Variants in DYNLL1 observed in about 807,000 individuals in gnomAD.
The protein encoded by DYNLL1 is dynein light chain 1, cytoplasmic.
Under a neutral mutation model 10.1 loss-of-function variants are expected in DYNLL1, and 3 were observed. The ratio of observed to expected loss-of-function variants is 0.30; its 90% CI spans 0.14 to 0.77. The LOEUF is 0.77. Ranked by LOEUF, DYNLL1 falls within the 30% of genes least tolerant of loss-of-function variation. DYNLL1 has a pLI of 0.66. For missense variants in DYNLL1, 47 were observed against 111.7 expected (o/e 0.42, Z 2.61); for synonymous variants, 46 against 41.2 (o/e 1.12, Z -0.45).
chr12:120,496,091 G>A (rs1868373614), upstream of DYNLL1: 1 of 416,514 alleles, frequency 2.4e-6, no homozygotes. Flanking sequence ...ACTAGGCGGC[G>A]GCGGCTGGCG....
intron 1 of DYNLL1, among the ~76,000 whole-genome samples, chr12:120,489,602 G>A (rs899963377): frequency 6.6e-6 from 1 of 152,144 alleles, no homozygotes; most frequent in African/African-American, 2.4e-5. Flanking sequence ...CTCTCTCGCT[G>A]CTCCCATCAG....
chr12:120,493,003 A>T (rs1053456463), upstream of DYNLL1, among the ~76,000 whole-genome samples: 3 of 152,102 alleles, frequency 2.0e-5, no homozygotes, highest in East Asian at 5.8e-4. Context: ...ATTTTTGTGC[A>T]TAATTCCAGA....
chr12:120,484,215 A>G (rs902703094), intron 1 of DYNLL1, among the ~76,000 whole-genome samples: 1 of 152,030 alleles, frequency 6.6e-6, no homozygotes, highest in African/African-American at 2.4e-5. Flanking sequence ...CTGATGATGC[A>G]GGAGAGGGAG....
At chr12:120,478,649 C>T (rs1878808982) in intron 1 of DYNLL1, among the ~76,000 whole-genome samples, 2 of 147,498 alleles carry the variant, frequency 1.4e-5, no homozygotes, top group African/African-American at 5.0e-5. Context: ...GTCAGGAGTT[C>T]GAGACCAGCC....
At chr12:120,497,952 T>A (rs1376620562) in intron 2 of DYNLL1, 121 bp from the exon 3 acceptor site, 3 of 963,014 alleles carry the variant, frequency 3.1e-6, no homozygotes, top group Non-Finnish European at 4.5e-6. Context: ...ATTCTTTCAT[T>A]CTAAGAATTT....
intron 1 of DYNLL1, among the ~76,000 whole-genome samples, chr12:120,473,100 G>A (rs944204623): frequency 1.3e-4 from 20 of 152,108 alleles, no homozygotes; most frequent in African/African-American, 9.7e-5. Flanking sequence ...GTTGCTATTC[G>A]GTCATGTAGA....
At chr12:120,477,605 A>T (rs937699194) in intron 1 of DYNLL1, among the ~76,000 whole-genome samples, 16 of 151,694 alleles carry the variant, frequency 1.1e-4, no homozygotes, top group Non-Finnish European at 1.6e-4. Flanking sequence ...TAAATAAATA[A>T]AAATAAATAA....
At chr12:120,483,805 A>G (rs1351182152) in intron 1 of DYNLL1, among the ~76,000 whole-genome samples, 2 of 152,098 alleles carry the variant, frequency 1.3e-5, no homozygotes, top group Non-Finnish European at 2.9e-5. Context: ...CTTCCTTCAG[A>G]TGTCATGGAG....
At chr12:120,484,983 A>C (rs1239214476) in intron 1 of DYNLL1, among the ~76,000 whole-genome samples, 1 of 152,164 alleles carries the variant, frequency 6.6e-6, no homozygotes, top group Non-Finnish European at 1.5e-5. Flanking sequence ...CAAGTGATCC[A>C]ACCACCTGGG....
intron 1 of DYNLL1, among the ~76,000 whole-genome samples, chr12:120,478,067 C>G (rs917579382): frequency 4.6e-5 from 7 of 150,984 alleles, no homozygotes; most frequent in Admixed American, 1.3e-4. Flanking sequence ...GCTGGGATTA[C>G]AGGCTTGAGC....
At chr12:120,496,020 T>A (rs913000526), upstream of DYNLL1, 6 of 312,304 alleles carry the variant, frequency 1.9e-5, no homozygotes, top group Admixed American at 9.5e-5. Flanking sequence ...GTGGGCTGCG[T>A]CAAGCCAATA....
chr12:120,491,861 C>T (rs1326454507), upstream of DYNLL1: 1 of 152,266 alleles, frequency 6.6e-6, no homozygotes, highest in Non-Finnish European at 1.5e-5. Flanking sequence ...GTACTCTGAA[C>T]TATCCATCCT....
intron 1 of DYNLL1, among the ~76,000 whole-genome samples, chr12:120,479,111 T>C (rs1426637639): frequency 7.0e-5 from 9 of 128,880 alleles, no homozygotes; most frequent in East Asian, 2.5e-4. Context: ...TTGCAGCGAG[T>C]CGAGAACACA....
chr12:120,479,693 A>G (rs1264986345), intron 1 of DYNLL1, among the ~76,000 whole-genome samples: 1 of 152,082 alleles, frequency 6.6e-6, no homozygotes, highest in African/African-American at 2.4e-5. Flanking sequence ...CCAGACAGAA[A>G]GAAAGCACTG....
At chr12:120,496,630 G>T (rs1392295079) in intron 2 of DYNLL1, 77 bp downstream of exon 2, 6 of 1,612,044 alleles carry the variant, frequency 3.7e-6, no homozygotes, top group Admixed American at 1.7e-5. Flanking sequence ...TCCTAAGGGC[G>T]CCTGACAGGT....
At chr12:120,476,808 C>A (rs1592997573) in intron 1 of DYNLL1, among the ~76,000 whole-genome samples, 1 of 151,974 alleles carries the variant, frequency 6.6e-6, no homozygotes, top group African/African-American at 2.4e-5. Flanking sequence ...GATGGGATTT[C>A]TCCATGTTGG....
chr12:120,485,127 T>G (rs1878963817), intron 1 of DYNLL1, among the ~76,000 whole-genome samples: 1 of 152,088 alleles, frequency 6.6e-6, no homozygotes, highest in African/African-American at 2.4e-5. Flanking sequence ...GAAGGCAGGA[T>G]GCCTGCTTGA....
chr12:120,490,153 A>G (rs1879092885), intron 1 of DYNLL1, among the ~76,000 whole-genome samples: 1 of 152,114 alleles, frequency 6.6e-6, no homozygotes, highest in Non-Finnish European at 1.5e-5. Context: ...AACTTTGCCT[A>G]TTTTGTTCTC....
chr12:120,479,461 A>AAT lies in DYNLL1; in HGVS notation c.-7+9358_-7+9359insTA, dbSNP rs1408892353. 1.6e-3 allele frequency among the ~76,000 whole-genome samples: 209 copies of AAT among 130,226 alleles called. 2 individuals are homozygous for AAT. Among genetic ancestry groups the AAT allele is most frequent in the African/African-American group, 6.1e-3 (201 of 32,778 alleles). 85.4% of individuals were successfully genotyped at this position (130,226 alleles called of 152,430 possible). ...GAAACTCCGTCTCCAAAAAAAAAAA[A>AAT]AAAAAAAAATAATAATAATAATAAT... On this transcript the variant is annotated intron_variant, in intron 1 of 2. Transcript: ENST00000392509.
Sources: allele counts gnomAD v4.1 joint callset (sites outside exome capture counted in the v4.1 genomes callset), GRCh38; gene constraint gnomAD v4.1.1; transcripts MANE v1.5; gene names NCBI Gene and HGNC (gene_info 2026-07-23, HGNC 2026-07-21).